Variants in STAU2 observed in about 807,000 individuals in gnomAD.
STAU2 encodes double-stranded RNA-binding protein Staufen homolog 2.
STAU2 carries 20 observed loss-of-function variants against 65.9 expected under a neutral mutation model. That is an observed-to-expected ratio of 0.30 (90% CI 0.21 to 0.44). The LOEUF (loss-of-function observed/expected upper bound fraction) is 0.44, where lower values mean the gene tolerates loss of function less well. Among genes scored for constraint, STAU2 ranks in the 20% least tolerant of loss-of-function variants. STAU2 has a pLI of 1.00. For missense variants in STAU2, 558 were observed against 683.9 expected (o/e 0.82, Z 2.05); for synonymous variants, 232 against 233.9 (o/e 0.99, Z 0.07).
intron 9 of STAU2, among the ~76,000 whole-genome samples, chr8:73,609,490 A>G (rs1313490156): frequency 6.6e-6 from 1 of 151,962 alleles, no homozygotes; most frequent in Non-Finnish European, 1.5e-5. Context: ...TGTCTCTACT[A>G]AAAATACAAA....
At chr8:73,693,718 G>A (rs1382648719) in intron 4 of STAU2, among the ~76,000 whole-genome samples, 2 of 152,168 alleles carry the variant, frequency 1.3e-5, no homozygotes, top group Non-Finnish European at 2.9e-5. Flanking sequence ...GTTTTAAGAC[G>A]GAATGCTGGA....
intron 3 of STAU2, among the ~76,000 whole-genome samples, chr8:73,719,469 T>C (rs1821492097): frequency 6.6e-6 from 1 of 152,216 alleles, no homozygotes; most frequent in South Asian, 2.1e-4. Flanking sequence ...AGAAGCACAT[T>C]AGCAGGCTGG....
chr8:73,423,935 ACT>A (rs1563581113), intron 13 of STAU2, among the ~76,000 whole-genome samples: 1 of 152,082 alleles, frequency 6.6e-6, no homozygotes, highest in Non-Finnish European at 1.5e-5. Flanking sequence ...ATAAGGGTTC[ACT>A]CTGTGTGGTA....
intron 13 of STAU2, among the ~76,000 whole-genome samples, chr8:73,523,683 T>C (rs1248241222): frequency 6.6e-6 from 1 of 152,182 alleles, no homozygotes; most frequent in African/African-American, 2.4e-5. Flanking sequence ...CTATAGTATG[T>C]AGCCTTTCGA....
chr8:73,671,756 C>A (rs1393329188), intron 6 of STAU2, among the ~76,000 whole-genome samples: 1 of 152,194 alleles, frequency 6.6e-6, no homozygotes, highest in Non-Finnish European at 1.5e-5. Flanking sequence ...GGCACAGGGG[C>A]TAACGCCTGT....
intron 6 of STAU2, among the ~76,000 whole-genome samples, chr8:73,664,812 G>A (rs1817112139): frequency 6.6e-6 from 1 of 151,920 alleles, no homozygotes; most frequent in African/African-American, 2.4e-5. Flanking sequence ...GCAACATGTT[G>A]AAACCCTGTC....
At chr8:73,636,183 C>T (rs1180265950) in intron 6 of STAU2, among the ~76,000 whole-genome samples, 2 of 152,082 alleles carry the variant, frequency 1.3e-5, no homozygotes, top group African/African-American at 4.8e-5. Context: ...AGCAAAACCC[C>T]ATATCTATAA....
chr8:73,475,434 G>A (rs1237415440), intron 13 of STAU2, among the ~76,000 whole-genome samples: 1 of 152,154 alleles, frequency 6.6e-6, no homozygotes, highest in African/African-American at 2.4e-5. Flanking sequence ...TTGCAGCTGA[G>A]ACCCGGAACA....
In STAU2 at chr8:73,596,425, AAAAGT is replaced by A. The variant is rs565793210; in HGVS notation, c.1030-1133_1030-1129del. On this transcript the variant is annotated intron_variant, in intron 10 of 14. Coordinates refer to ENST00000524300, the MANE Select transcript of STAU2 (RefSeq NM_001164380.2). ...AATACACATCAACCATACAACTATA[AAAAGT>A]AAAGTAGATAGCAAAAAAGGATAGA... Among the ~76,000 whole-genome samples, 37 of 152,362 alleles carry A rather than the reference AAAAGT, an allele frequency of 2.4e-4. No individual in the cohort carries two copies. In the Middle Eastern group the frequency reaches 0.037, roughly 154 times the overall value.
chr8:73,551,757 A>G, intron 13 of STAU2: 1 of 1,139,710 alleles, frequency 8.8e-7, no homozygotes, highest in African/African-American at 1.6e-5. Context: ...GAAGAATATG[A>G]AAAATGCTTA....
At chr8:73,436,568 T>A (rs906190410) in intron 13 of STAU2, among the ~76,000 whole-genome samples, 9 of 141,416 alleles carry the variant, frequency 6.4e-5, no homozygotes, top group Non-Finnish European at 9.1e-5. Context: ...TTTGCCAATT[T>A]TTTATTTATT....
Position 73,669,637 on chromosome 8 carries a change from T to TTCTCTCTCTCTC in STAU2, c.410+3458_410+3469dup, listed in dbSNP as rs34037884. Among the ~76,000 whole-genome samples the TTCTCTCTCTCTC allele has an allele frequency of 4.1e-3, 575 of 141,318 alleles. 6 individuals carry two copies. Among genetic ancestry groups the TTCTCTCTCTCTC allele is most frequent in the South Asian group, 6.3e-3 (26 of 4,126 alleles). The allele number at this position is 141,318 out of a possible 152,430, so 92.7% of individuals were successfully genotyped here. A position where few individuals can be genotyped will look rare whatever the true frequency, so the allele number is the denominator to read the frequency against. On this transcript the variant is annotated intron_variant, in intron 6 of 14. Coordinates refer to ENST00000524300, the MANE Select transcript of STAU2 (RefSeq NM_001164380.2). ...TACTTGCTATTTCTTGAGCCTGGAATTCTCTCTCTCTCTCTCTCTCTCTCT... is the reference window on the plus strand; with the variant it reads ...TACTTGCTATTTCTTGAGCCTGGAATTCTCTCTCTCTCTCTCTCTCTCTCTCTCTCTCTCTCT...
At chr8:73,639,886 C>T (rs1814827438) in intron 6 of STAU2, among the ~76,000 whole-genome samples, 1 of 152,040 alleles carries the variant, frequency 6.6e-6, no homozygotes, top group Admixed American at 6.6e-5. Context: ...CAAATAGATA[C>T]ATAAAATTTT....
rs1327675981 is a variant in STAU2, at chr8:73,420,896, T to C, written c.*476A>G. On this transcript the variant is annotated 3_prime_UTR_variant, in exon 15 of 15. Coordinates refer to ENST00000524300, the MANE Select transcript of STAU2 (RefSeq NM_001164380.2). The stretch of plus-strand genomic sequence containing the variant: ...TAAAAAGAGAAACCATGTGACTCTA[T>C]ATGAAGACAACCATCACATTCCACA... 6.4e-6 allele frequency: 1 copy of C among 157,358 alleles called. No individual in the cohort carries two copies. Among genetic ancestry groups the C allele is most frequent in the Non-Finnish European group, 1.4e-5 (1 of 71,220 alleles). The allele number at this position is 157,358 out of a possible 1,614,324, so 9.7% of individuals were successfully genotyped here. A position where few individuals can be genotyped will look rare whatever the true frequency, so the allele number is the denominator to read the frequency against.
At chr8:73,578,659 C>T (rs1456911821) in intron 12 of STAU2, among the ~76,000 whole-genome samples, 1 of 152,120 alleles carries the variant, frequency 6.6e-6, no homozygotes, top group Non-Finnish European at 1.5e-5. Context: ...TTGAAAACAA[C>T]CAGATATTCA....
intron 6 of STAU2, among the ~76,000 whole-genome samples, chr8:73,622,048 C>T (rs533382989): frequency 5.1e-4 from 77 of 150,928 alleles, no homozygotes; most frequent in African/African-American, 1.8e-3. Flanking sequence ...GCTCCGCCTC[C>T]CGGGTTCTCG....
chr8:73,711,785 C>A (rs1309558894), intron 3 of STAU2, among the ~76,000 whole-genome samples: 1 of 152,088 alleles, frequency 6.6e-6, no homozygotes, highest in East Asian at 1.9e-4. Flanking sequence ...AATCCAATAA[C>A]ACATTTTAAT....
At chr8:73,746,845 C>G (rs980951824), upstream of STAU2, 60 of 1,223,114 alleles carry the variant, frequency 4.9e-5, no homozygotes, top group Non-Finnish European at 6.0e-5. Context: ...AGAACTGACC[C>G]CGCTCGGCCG....
intron 12 of STAU2, among the ~76,000 whole-genome samples, chr8:73,566,246 C>T (rs541855230): frequency 1.3e-5 from 2 of 152,074 alleles, no homozygotes; most frequent in Non-Finnish European, 2.9e-5. Context: ...ACCCAAAAAG[C>T]CTGTTGAGTG....
Sources: allele counts gnomAD v4.1 joint callset (sites outside exome capture counted in the v4.1 genomes callset), GRCh38; gene constraint gnomAD v4.1.1; transcripts MANE v1.5; gene names NCBI Gene and HGNC (gene_info 2026-07-23, HGNC 2026-07-21).